ARFGEF3: variants seen among roughly 807,000 people sequenced by gnomAD.
The protein encoded by ARFGEF3 is brefeldin A-inhibited guanine nucleotide-exchange protein 3.
In ARFGEF3, 96 loss-of-function variants were observed where a neutral mutation model predicts 221.7. The ratio of observed to expected loss-of-function variants is 0.43; its 90% CI spans 0.37 to 0.51. The LOEUF (loss-of-function observed/expected upper bound fraction) is 0.51. ARFGEF3 is among the 20% of genes least tolerant of loss of function. ARFGEF3 has a pLI of 0.00. For missense variants in ARFGEF3, 2,410 were observed against 2,789.9 expected (o/e 0.86, Z 3.07); for synonymous variants, 1,145 against 1,126.8 (o/e 1.02, Z -0.32).
rs764102805 is a variant in ARFGEF3 at position 138,336,330 on chromosome 6, G to A, written c.6378G>A (p.Gln2126=). The change falls in exon 34 of 34, where the codon CAG becomes CAA. Residue 2126 remains glutamine, a synonymous_variant. Coordinates refer to ENST00000251691, the MANE Select transcript of ARFGEF3 (RefSeq NM_020340.5). ...ACATGGTGCTAACAGTTCTCAATCAGATTCAGATTCTCCCAGACCAGACCT... is the reference window on the plus strand; with the variant it reads ...ACATGGTGCTAACAGTTCTCAATCAAATTCAGATTCTCCCAGACCAGACCT... The part of the protein sequence containing the change: ...WTNMVLTVLN[Q]IQILPDQTFT... 46 of 1,604,686 alleles carry A rather than the reference G, an allele frequency of 2.9e-5. No homozygotes were observed. Among genetic ancestry groups the A allele is most frequent in the African/African-American group, 6.7e-5 (5 of 74,432 alleles).
At chr6:138,163,702 G>A (rs1395453004) in intron 1 of ARFGEF3, among the ~76,000 whole-genome samples, 1 of 152,178 alleles carries the variant, frequency 6.6e-6, no homozygotes, top group Non-Finnish European at 1.5e-5. Flanking sequence ...CACTGGGGAG[G>A]CTGAGCATTG....
At chr6:138,172,124 T>C (rs1008518870) in intron 2 of ARFGEF3, among the ~76,000 whole-genome samples, 35 of 152,364 alleles carry the variant, frequency 2.3e-4, no homozygotes, top group Non-Finnish European at 4.6e-4. Context: ...TGTTTTAAAC[T>C]AAGTGCATTT....
Position 138,176,511 on chromosome 6 carries a change from A to C in ARFGEF3, c.137+5798A>C, listed in dbSNP as rs12527896. 2.9e-3 allele frequency among the ~76,000 whole-genome samples: 437 copies of C among 152,246 alleles called. 1 individual carries two copies. The highest frequency in any genetic ancestry group is 4.9e-3 in the Non-Finnish European group (330 of 68,010). ...GGATCTTTTTTAAATCCTTTATGACAATCTATATATTTTAAGTGGAGCATT... is the reference window on the plus strand; with the variant it reads ...GGATCTTTTTTAAATCCTTTATGACCATCTATATATTTTAAGTGGAGCATT... On this transcript the variant is annotated intron_variant, in intron 2 of 33. Transcript: ENST00000251691.
intron 8 of ARFGEF3, among the ~76,000 whole-genome samples, chr6:138,251,068 G>T (rs984291818): frequency 1.3e-5 from 2 of 152,090 alleles, no homozygotes; most frequent in South Asian, 4.1e-4. Flanking sequence ...CCAGACTGCC[G>T]CAACCCACGG....
chr6:138,226,145 G>C (rs1778080434), intron 4 of ARFGEF3, among the ~76,000 whole-genome samples: 1 of 152,132 alleles, frequency 6.6e-6, no homozygotes, highest in Non-Finnish European at 1.5e-5. Flanking sequence ...ATCATGACCA[G>C]GACATGTCCT....
At position 138,317,257 on chromosome 6, in the gene ARFGEF3, T is replaced by C. The variant is rs373057055; in HGVS notation, c.4352T>C (p.Ile1451Thr). 1 of 1,613,342 alleles carries C rather than the reference T, an allele frequency of 6.2e-7. No homozygotes were observed. Among genetic ancestry groups the C allele is most frequent in the African/African-American group, 1.3e-5 (1 of 74,906 alleles). Residue 1451 changes from isoleucine to threonine, a missense_variant, in exon 27 of 34, where the codon ATA becomes ACA. Physicochemically the swap from Ile to Thr is moderately conservative, Grantham distance 89. Coordinates refer to ENST00000251691, the MANE Select transcript of ARFGEF3 (RefSeq NM_020340.5). The stretch of plus-strand genomic sequence containing the variant: ...TCTGCTTTTTGGTTTCCAGGTCTGA[T>C]AGAAGTCTGGATAATCCTGCTGGAG... Reference protein sequence around the residue: ...LSDFDDDTGLIEVWIILLEQL... With the variant: ...LSDFDDDTGLTEVWIILLEQL...
Position 138,291,814 on chromosome 6 carries a change from C to T in ARFGEF3, c.3129C>T (p.Pro1043=). 2 of 1,486,252 alleles carry T rather than the reference C, an allele frequency of 1.3e-6. No individual in the cohort carries two copies. The highest frequency in any genetic ancestry group is 1.8e-6 in the Non-Finnish European group (2 of 1,117,990). 92.1% of individuals were successfully genotyped at this position (1,486,252 alleles called of 1,614,324 possible). Residue 1043 remains proline, a synonymous_variant, in exon 19 of 34, where the codon CCC becomes CCT. Coordinates refer to ENST00000251691, the MANE Select transcript of ARFGEF3 (RefSeq NM_020340.5). This position sits in a 1 kb window ranked among gnomAD's most constrained non-coding sequence, Gnocchi z 4.5. ...ASQPPLTISQ[P]QKATGSAGLL... ...AGCCCCCTCTGACCATCAGCCAGCC[C>T]CAGAAGGCCACTGGAAGCGCTGGCC...
At chr6:138,186,944 T>G (rs894628318) in intron 2 of ARFGEF3, among the ~76,000 whole-genome samples, 5 of 127,514 alleles carry the variant, frequency 3.9e-5, no homozygotes, top group Admixed American at 3.5e-4. Context: ...AGACAGAGTT[T>G]CACTCTTGTT....
intron 9 of ARFGEF3, 30 bp downstream of exon 9, chr6:138,254,014 T>G: frequency 6.9e-7 from 1 of 1,459,420 alleles, no homozygotes; most frequent in Non-Finnish European, 9.2e-7. Context: ...GCCCCGACGC[T>G]GATGCCAACC....
intron 4 of ARFGEF3, among the ~76,000 whole-genome samples, chr6:138,212,207 CA>C (rs1392816468): frequency 1.3e-5 from 2 of 152,128 alleles, no homozygotes; most frequent in Non-Finnish European, 2.9e-5. Flanking sequence ...GGTGACAGCA[CA>C]TAATAGCCAC....
chr6:138,215,218 A>T (rs181901981), intron 4 of ARFGEF3, among the ~76,000 whole-genome samples: 5 of 152,238 alleles, frequency 3.3e-5, no homozygotes, highest in Non-Finnish European at 7.4e-5. Context: ...TTATTAACTG[A>T]TACAGCTGGC....
chr6:138,280,439 C>T (rs1779177825), intron 14 of ARFGEF3, among the ~76,000 whole-genome samples: 1 of 152,192 alleles, frequency 6.6e-6, no homozygotes, highest in African/African-American at 2.4e-5. Flanking sequence ...AACCGTAGGC[C>T]ATATCTATAG....
At chr6:138,201,548 T>C (rs1300885562) in intron 2 of ARFGEF3, among the ~76,000 whole-genome samples, 2 of 152,190 alleles carry the variant, frequency 1.3e-5, no homozygotes, top group African/African-American at 4.8e-5. Context: ...AGACTATTAT[T>C]CTAAGTGAAG....
At chr6:138,208,907 T>C (rs1372379314) in intron 3 of ARFGEF3, among the ~76,000 whole-genome samples, 1 of 152,176 alleles carries the variant, frequency 6.6e-6, no homozygotes, top group Non-Finnish European at 1.5e-5. Flanking sequence ...GTGGACCTGA[T>C]AGCTGGTTTC....
chr6:138,171,308 C>T (rs1582993165), intron 2 of ARFGEF3, among the ~76,000 whole-genome samples: 1 of 151,968 alleles, frequency 6.6e-6, no homozygotes, highest in South Asian at 2.1e-4. Flanking sequence ...AGGAACCAGC[C>T]ATGGAAGTCC....
Position 138,191,883 on chromosome 6 carries a change from C to T in ARFGEF3, c.138-15159C>T, listed in dbSNP as rs116251012. Among the ~76,000 whole-genome samples, 1,168 of 152,200 alleles carry T rather than the reference C, an allele frequency of 7.7e-3. 12 individuals carry two copies. The highest frequency in any genetic ancestry group is 0.025 in the South Asian group (118 of 4,802). On this transcript the variant is annotated intron_variant, in intron 2 of 33. Coordinates refer to ENST00000251691, the MANE Select transcript of ARFGEF3 (RefSeq NM_020340.5). ...TGGGTCCTTCTATTAGAGTGGAGCC[C>T]TTCCTCCAGGCTCTCATGCCTCTGG... is the stretch of plus-strand genomic sequence containing the variant.
intron 7 of ARFGEF3, among the ~76,000 whole-genome samples, 166 bp from the exon 8 acceptor site, chr6:138,245,347 A>G (rs72986867): frequency 0.023 from 3,554 of 152,266 alleles, 56 homozygotes; most frequent in Non-Finnish European, 0.037. Flanking sequence ...CTTAATTCTT[A>G]TCATTTCTGT....
At chr6:138,208,331 G>A (rs1249327501) in intron 3 of ARFGEF3, among the ~76,000 whole-genome samples, 1 of 151,892 alleles carries the variant, frequency 6.6e-6, no homozygotes, top group African/African-American at 2.4e-5. Flanking sequence ...AAAATAAATT[G>A]TATGTAAACT....
At chr6:138,279,215 G>A (rs203137) in intron 13 of ARFGEF3, among the ~76,000 whole-genome samples, 52,440 of 151,694 alleles carry the variant, frequency 0.35, 9,419 homozygotes, top group South Asian at 0.47. Flanking sequence ...ACAGGGTCTC[G>A]CTATGTTGCC....
Sources: gnomAD v4.1 joint callset for allele counts (sites outside exome capture counted in the v4.1 genomes callset) on GRCh38, gnomAD v4.1.1 for gene constraint, Gnocchi (gnomAD v3.1) non-coding constraint, MANE v1.5 for transcripts, NCBI Gene and HGNC (gene_info 2026-07-23, HGNC 2026-07-21) for gene names.